Variants in GPC6 observed in about 807,000 individuals in gnomAD.
The protein encoded by GPC6 is glypican 6.
In GPC6, 14 loss-of-function variants were observed where a neutral mutation model predicts 55.2. That is an observed-to-expected ratio of 0.25 (90% CI 0.17 to 0.40). The LOEUF is 0.40. Ranked by LOEUF, GPC6 falls within the 10% of genes least tolerant of loss-of-function variation. The probability of loss-of-function intolerance (pLI) is 1.00; values close to 1 mark genes in which losing one functional copy is unlikely to be tolerated. For missense variants in GPC6, 641 were observed against 708.5 expected (o/e 0.90, Z 1.08); for synonymous variants, 278 against 259.6 (o/e 1.07, Z -0.68).
chr13:94,396,072 C>T (rs1176747934), intron 7 of GPC6, among the ~76,000 whole-genome samples: 1 of 152,232 alleles, frequency 6.6e-6, no homozygotes, highest in Admixed American at 6.5e-5. Context: ...GGGTGCCTCT[C>T]TGTGGTATCA....
intron 1 of GPC6, among the ~76,000 whole-genome samples, chr13:93,536,531 T>A (rs1223917651): frequency 6.6e-6 from 1 of 152,210 alleles, no homozygotes; most frequent in Non-Finnish European, 1.5e-5. Flanking sequence ...TAACATAATG[T>A]CCATGTTGTA....
At chr13:94,281,976 T>A (rs1261749034) in intron 4 of GPC6, among the ~76,000 whole-genome samples, 1 of 152,228 alleles carries the variant, frequency 6.6e-6, no homozygotes, top group Non-Finnish European at 1.5e-5. Context: ...CTGTTAAATA[T>A]TAATTGGCTA....
At chr13:94,078,978 T>C (rs543011160) in intron 4 of GPC6, among the ~76,000 whole-genome samples, 2 of 152,116 alleles carry the variant, frequency 1.3e-5, no homozygotes, top group South Asian at 4.1e-4. Flanking sequence ...TTTTTATACC[T>C]TACCCATATC....
At chr13:94,149,210 G>T (rs931964272) in intron 4 of GPC6, among the ~76,000 whole-genome samples, 1 of 152,036 alleles carries the variant, frequency 6.6e-6, no homozygotes, top group African/African-American at 2.4e-5. Flanking sequence ...AAAACATTTG[G>T]GTAGATGAAT....
intron 6 of GPC6, among the ~76,000 whole-genome samples, chr13:94,315,345 G>A (rs1876469730): frequency 6.6e-6 from 1 of 152,182 alleles, no homozygotes; most frequent in African/African-American, 2.4e-5. Flanking sequence ...TCTTGTATGT[G>A]CCAAGTGTTC....
intron 2 of GPC6, among the ~76,000 whole-genome samples, chr13:93,597,228 A>G (rs931282594): frequency 6.6e-6 from 1 of 152,126 alleles, no homozygotes; most frequent in African/African-American, 2.4e-5. Flanking sequence ...TGTTGGATCA[A>G]AGGCATAGGC....
chr13:94,127,769 T>G (rs1483752161), intron 4 of GPC6, among the ~76,000 whole-genome samples: 1 of 152,168 alleles, frequency 6.6e-6, no homozygotes, highest in Non-Finnish European at 1.5e-5. Flanking sequence ...TGGATGAGGT[T>G]GCCACAGGTG....
intron 3 of GPC6, among the ~76,000 whole-genome samples, chr13:93,899,354 G>GT (rs1386816868): frequency 6.6e-6 from 1 of 151,950 alleles, no homozygotes; most frequent in East Asian, 1.9e-4. Flanking sequence ...TAAGATCAGC[G>GT]TAAGTTGGAG....
In GPC6 at chr13:94,403,521, A is replaced by G; in HGVS notation, c.*304A>G. The G allele has an allele frequency of 2.6e-6, 1 of 386,928 alleles. No individual in the cohort carries two copies. The highest frequency in any genetic ancestry group is 4.8e-6 in the Non-Finnish European group (1 of 207,992). The allele number at this position is 386,928 out of a possible 1,614,324, so 24.0% of individuals were successfully genotyped here. A position where few individuals can be genotyped will look rare whatever the true frequency, so the allele number is the denominator to read the frequency against. Reference sequence around the variant, plus strand: ...ATTTGCTTTTATGCTGCAGAAGTAAAGGAATCTCACGTTGTGAGGGTTTTT... The same window carrying G: ...ATTTGCTTTTATGCTGCAGAAGTAAGGGAATCTCACGTTGTGAGGGTTTTT... On this transcript the variant is annotated 3_prime_UTR_variant, in exon 9 of 9. Coordinates refer to ENST00000377047, the MANE Select transcript of GPC6 (RefSeq NM_005708.5).
intron 2 of GPC6, among the ~76,000 whole-genome samples, chr13:93,601,879 T>C (rs559965818): frequency 2.0e-5 from 3 of 152,374 alleles, no homozygotes; most frequent in African/African-American, 7.2e-5. Context: ...AAATCGTATC[T>C]GCATTTCAGC....
Position 93,227,501 on chromosome 13 carries a change from G to T in GPC6, c.45G>T (p.Leu15=). Residue 15 remains leucine (L), a synonymous_variant, in exon 1 of 9, where the codon CTG becomes CTT. Coordinates refer to ENST00000377047, the MANE Select transcript of GPC6 (RefSeq NM_005708.5). This position sits in a 1 kb window ranked among gnomAD's most constrained non-coding sequence, Gnocchi z 4.3. ...IGAVILPLLG[L]LLSLPAGADV... ...CTGTGATTCTTCCCCTCTTGGGGCT[G>T]CTGCTCTCCCTCCCCGCCGGGGCGG... The T allele has an allele frequency of 1.2e-6, 2 of 1,613,932 alleles. No individual in the cohort carries two copies. Among genetic ancestry groups the T allele is most frequent in the Non-Finnish European group, 1.7e-6 (2 of 1,179,852 alleles).
At chr13:93,479,947 A>G (rs1035530391) in intron 1 of GPC6, among the ~76,000 whole-genome samples, 3 of 152,218 alleles carry the variant, frequency 2.0e-5, no homozygotes, top group African/African-American at 4.8e-5. Context: ...AGACATGCAT[A>G]TAGAGGGGAA....
chr13:94,101,349 A>G (rs932128894), intron 4 of GPC6, among the ~76,000 whole-genome samples: 1 of 152,202 alleles, frequency 6.6e-6, no homozygotes, highest in Non-Finnish European at 1.5e-5. Context: ...AGTCATACTC[A>G]TCTGAAAAAT....
At chr13:93,551,985 C>A (rs1346821737) in intron 2 of GPC6, among the ~76,000 whole-genome samples, 1 of 152,102 alleles carries the variant, frequency 6.6e-6, no homozygotes, top group Non-Finnish European at 1.5e-5. Flanking sequence ...TGTAATATTT[C>A]TGTGGATTGT....
At chr13:94,215,860 AG>A (rs201080905) in intron 4 of GPC6, among the ~76,000 whole-genome samples, 24 of 152,300 alleles carry the variant, frequency 1.6e-4, no homozygotes, top group African/African-American at 5.8e-4. Flanking sequence ...AACATCAAAA[AG>A]AAAAGGGGTA....
intron 4 of GPC6, among the ~76,000 whole-genome samples, chr13:94,244,248 G>T (rs1473679025): frequency 6.6e-6 from 1 of 152,088 alleles, no homozygotes; most frequent in African/African-American, 2.4e-5. Flanking sequence ...TCATTTTGGG[G>T]CCAGCACGTA....
At position 94,299,770 on chromosome 13, in the gene GPC6, G is replaced by A. The variant is rs1452180517; in HGVS notation, c.1009-6210G>A. On this transcript the variant is annotated intron_variant, in intron 5 of 8. Coordinates refer to ENST00000377047, the MANE Select transcript of GPC6 (RefSeq NM_005708.5). ...GTAAGGCATTTTGTTATAGCCACCA[G>A]AATGCACTGATAACACCTATTGGTT... is the stretch of plus-strand genomic sequence containing the variant. Among the ~76,000 whole-genome samples, 13 of 152,294 alleles carry A rather than the reference G, an allele frequency of 8.5e-5. No homozygotes were observed. The East Asian group carries it at 2.5e-3, about 29-fold the overall frequency.
At chr13:94,156,309 G>A (rs605033) in intron 4 of GPC6, among the ~76,000 whole-genome samples, 85,921 of 151,942 alleles carry the variant, frequency 0.57, 26,131 homozygotes, top group Non-Finnish European at 0.67. Context: ...CTTCAGAAAG[G>A]TCATAAATGT....
intron 4 of GPC6, among the ~76,000 whole-genome samples, chr13:94,242,499 G>A (rs921441643): frequency 6.6e-6 from 1 of 152,056 alleles, no homozygotes; most frequent in African/African-American, 2.4e-5. Context: ...CAACCCAAAT[G>A]TCCATCAGTG....
Sources: gnomAD v4.1 joint callset for allele counts (sites outside exome capture counted in the v4.1 genomes callset) on GRCh38, gnomAD v4.1.1 for gene constraint, Gnocchi (gnomAD v3.1) non-coding constraint, MANE v1.5 for transcripts, NCBI Gene and HGNC (gene_info 2026-07-23, HGNC 2026-07-21) for gene names.